The following OR8B2 variants were observed in gnomAD, a reference collection of about 807,000 sequenced individuals.
OR8B2 encodes olfactory receptor 8B2.
For synonymous variants in OR8B2, 98 were observed against 138.2 expected (o/e 0.71, Z 2.04); for missense variants, 304 against 379.6 (o/e 0.80, Z 1.65).
rs1860649736 is a variant in OR8B2, at chr11:124,383,837, T to C, written c.-17-477A>G. Among the ~76,000 whole-genome samples the C allele has an allele frequency of 5.9e-5, 9 of 152,292 alleles. No homozygotes were observed. The South Asian group carries it at 1.9e-3, about 32-fold the overall frequency. On this transcript the variant is annotated intron_variant, in intron 1 of 1. Transcript: ENST00000641451. ...TATAGGGTTTCTAGATACCTTACTA[T>C]AAGAATCCATGAAGTCACCGGGTGA...
intron 1 of OR8B2, among the ~76,000 whole-genome samples, chr11:124,384,095 C>T (rs868703679): frequency 6.6e-6 from 1 of 151,844 alleles, no homozygotes; most frequent in Non-Finnish European, 1.5e-5. Context: ...TTTTTATGAC[C>T]CTTAAACTCT....
upstream of OR8B2, among the ~76,000 whole-genome samples, chr11:124,386,800 A>T (rs1860708750): frequency 6.6e-6 from 1 of 152,140 alleles, no homozygotes; most frequent in Admixed American, 6.5e-5. Flanking sequence ...GTCAGATGGT[A>T]TTTCTAGTTC....
chr11:124,386,422 A>T (rs1591431533), upstream of OR8B2, among the ~76,000 whole-genome samples: 1 of 93,742 alleles, frequency 1.1e-5, no homozygotes, highest in Non-Finnish European at 2.0e-5. Context: ...CCCACCCCAC[A>T]ACAGTCCCCA....
Position 124,383,050 on chromosome 11 carries a change from C to T in OR8B2, c.294G>A (p.Met98Ile), listed in dbSNP as rs765029743. 1 of 1,613,880 alleles carries T rather than the reference C, an allele frequency of 6.2e-7. No homozygotes were observed. The highest frequency in any genetic ancestry group is 8.5e-7 in the Non-Finnish European group (1 of 1,179,856). ...AAAAGAGAAAGAAAAACAGCCGAGT[C>T]ATGCACCCAACATTGGAGATAATAT... The part of the protein sequence containing the change: ...KKNIISNVGC[M>I]TRLFFFLFFV... The change falls in exon 2 of 2, where the codon ATG becomes ATA. Residue 98 changes from methionine (M) to isoleucine (I), a missense_variant. Transcript: ENST00000641451.
chr11:124,393,610 A>G, the OR8B2 span, among the ~76,000 whole-genome samples: 8 of 151,962 alleles, frequency 5.3e-5, no homozygotes, highest in Middle Eastern at 3.4e-3. Flanking sequence ...AAGTCAGGAA[A>G]CAACAGGTGC....
upstream of OR8B2, among the ~76,000 whole-genome samples, chr11:124,386,272 T>C (rs1443841628): frequency 6.6e-6 from 1 of 151,816 alleles, no homozygotes; most frequent in Non-Finnish European, 1.5e-5. Context: ...TTATTATTAT[T>C]ATACTTTAAG....
chr11:124,390,616 A>G, the OR8B2 span, among the ~76,000 whole-genome samples: 4 of 152,130 alleles, frequency 2.6e-5, no homozygotes, highest in Non-Finnish European at 4.4e-5. Context: ...GTATTTTTTG[A>G]TATATATTTT....
At chr11:124,393,797 C>T in the OR8B2 span, among the ~76,000 whole-genome samples, 1 of 151,526 alleles carries the variant, frequency 6.6e-6, no homozygotes, top group South Asian at 2.1e-4. Flanking sequence ...TATAAAGACA[C>T]ATGCACACGT....
chr11:124,397,011 A>T, the OR8B2 span: 1 of 1,613,906 alleles, frequency 6.2e-7, no homozygotes, highest in Non-Finnish European at 8.5e-7. Context: ...TGAGGTCAAC[A>T]TGTAACATTC....
chr11:124,394,070 A>G, the OR8B2 span, among the ~76,000 whole-genome samples: 8 of 131,342 alleles, frequency 6.1e-5, no homozygotes, highest in African/African-American at 2.3e-4. Context: ...ACACATGGAC[A>G]CAAGAAGGAG....
chr11:124,382,986 A>G lies in OR8B2; in HGVS notation c.358T>C (p.Tyr120His). 1 of 1,613,384 alleles carries G rather than the reference A, an allele frequency of 6.2e-7. No homozygotes were observed. Among genetic ancestry groups the G allele is most frequent in the Non-Finnish European group, 8.5e-7 (1 of 1,179,490 alleles). ...SECYMLTSMA[Y>H]DRYVAICNPL... ...TTACAGATGGCCACATAGCGATCAT[A>G]TGCCATTGAAGTCAACATGTAACAT... The change falls in exon 2 of 2, where the codon TAT becomes CAT. Residue 120 changes from tyrosine (Y) to histidine (H), a missense_variant. Coordinates refer to ENST00000641451, the MANE Select transcript of OR8B2 (RefSeq NM_001005468.2).
At chr11:124,388,412 T>G (rs1860733657), upstream of OR8B2, among the ~76,000 whole-genome samples, 1 of 152,140 alleles carries the variant, frequency 6.6e-6, no homozygotes, top group Non-Finnish European at 1.5e-5. Context: ...TAAATCCCTT[T>G]TCTATCACAT....
upstream of OR8B2, among the ~76,000 whole-genome samples, chr11:124,386,063 G>C (rs76153018): frequency 0.026 from 3,987 of 152,114 alleles, 124 homozygotes; most frequent in African/African-American, 0.069. Flanking sequence ...GTGTGTTCTT[G>C]GTTTTCCCAG....
At chr11:124,384,540 A>G (rs1041780586), upstream of OR8B2, 1 of 152,180 alleles carries the variant, frequency 6.6e-6, no homozygotes, top group African/African-American at 2.4e-5. Context: ...CAGAATCTGA[A>G]TGTTCTGGGA....
chr11:124,394,392 T>G, the OR8B2 span, among the ~76,000 whole-genome samples: 6 of 152,190 alleles, frequency 3.9e-5, no homozygotes, highest in East Asian at 1.2e-3. Flanking sequence ...AAATGCCTAT[T>G]AAGGATAAAA....
the OR8B2 span, chr11:124,396,794 C>T: frequency 6.2e-7 from 1 of 1,611,922 alleles, no homozygotes; most frequent in Non-Finnish European, 8.5e-7. Flanking sequence ...TGCAGGAAAG[C>T]TGGAGGAGGG....
At chr11:124,390,332 T>C in the OR8B2 span, among the ~76,000 whole-genome samples, 1 of 152,166 alleles carries the variant, frequency 6.6e-6, no homozygotes, top group Admixed American at 6.6e-5. Context: ...GGCAGGTGTT[T>C]ATTGATTTGC....
rs202110730 is a variant in OR8B2 at position 124,383,227 on chromosome 11, C to G, written c.117G>C (p.Met39Ile). The change falls in exon 2 of 2, where the codon ATG becomes ATC. Residue 39 changes from methionine (M) to isoleucine (I), a missense_variant. Physicochemically the swap from Met to Ile is conservative, Grantham distance 10 (BLOSUM62 1). Transcript: ENST00000641451. Reference sequence around the variant, plus strand: ...GAGTGATCAAGCCAAGGTTGCCTACCATGGTGACAATGTAGATCACTAGAA... The same window carrying G: ...GAGTGATCAAGCCAAGGTTGCCTACGATGGTGACAATGTAGATCACTAGAA... Reference protein sequence around the residue: ...FLFLVIYIVTMVGNLGLITLF... With the variant: ...FLFLVIYIVTIVGNLGLITLF... The G allele has an allele frequency of 3.2e-5, 52 of 1,613,928 alleles. No homozygotes were observed. In the East Asian group the frequency reaches 1.1e-3, roughly 34 times the overall value.
chr11:124,388,056 T>A (rs548637697), upstream of OR8B2, among the ~76,000 whole-genome samples: 240 of 146,362 alleles, frequency 1.6e-3, no homozygotes, highest in Middle Eastern at 3.6e-3. Context: ...TTTGGCTCTC[T>A]GTTTGTCTGT....
Sources: gnomAD v4.1 joint callset for allele counts (sites outside exome capture counted in the v4.1 genomes callset) on GRCh38, gnomAD v4.1.1 for gene constraint, MANE v1.5 for transcripts, NCBI Gene and HGNC (gene_info 2026-07-23, HGNC 2026-07-21) for gene names.